The following AP2A1 variants were observed in gnomAD, a reference collection of about 807,000 sequenced individuals.
AP2A1 encodes adaptor related protein complex 2 subunit alpha 1.
In AP2A1, 21 loss-of-function variants were observed where a neutral mutation model predicts 107.3. The observed-to-expected ratio is 0.20, with a 90% CI of 0.14 to 0.28. The LOEUF is 0.28. Among genes scored for constraint, AP2A1 ranks in the 10% least tolerant of loss-of-function variants. AP2A1 has a pLI of 1.00. For missense variants in AP2A1, 873 were observed against 1,307.7 expected, an observed-to-expected ratio of 0.67 and a Z score of 5.13; for synonymous variants, 602 against 564.8, an observed-to-expected ratio of 1.07 and a Z score of -0.93.
chr19:49,800,726 C>A lies in AP2A1; in HGVS notation c.1456-235C>A, dbSNP rs547437446. 1.8e-5 allele frequency: 8 copies of A among 441,782 alleles called. No homozygotes were observed. The South Asian group carries it at 2.4e-4, about 13-fold the overall frequency. 27.4% of individuals were successfully genotyped at this position (441,782 alleles called of 1,614,324 possible). On this transcript the variant is annotated intron_variant, in intron 11 of 22. Transcript: ENST00000354293. ...GCTCAGGCAATCTGCCCGCCTCGGC[C>A]TCCCAAAGTACCAGGATTACAGGCA...
intron 1 of AP2A1, among the ~76,000 whole-genome samples, chr19:49,771,643 G>C (rs780950806): frequency 6.6e-6 from 1 of 151,954 alleles, no homozygotes; most frequent in African/African-American, 2.4e-5. Flanking sequence ...TCCTGATCTC[G>C]AGTGATCTGC....
Position 49,791,981 on chromosome 19 carries a change from C to T in AP2A1, c.520C>T (p.Arg174Ter). 2 of 1,612,528 alleles carry T rather than the reference C, an allele frequency of 1.2e-6. No individual in the cohort carries two copies. Among genetic ancestry groups the T allele is most frequent in the East Asian group, 2.2e-5 (1 of 44,846 alleles). The change falls in exon 5 of 23, where the codon CGA becomes TGA. Residue 174 changes from arginine (R) to a stop codon, truncating the protein, a stop_gained. Coordinates refer to ENST00000354293, the MANE Select transcript of AP2A1 (RefSeq NM_130787.3). LOFTEE classifies it high-confidence loss of function. ...GCAGAGTGCGGCCCTGTGCCTCCTT[C>T]GACTGTACAAGGCCTCGCCTGACCT... ...VKQSAALCLL[R>*]LYKASPDLVP...
At chr19:49,787,221 G>T (rs2084747791) in intron 4 of AP2A1, among the ~76,000 whole-genome samples, 1 of 150,432 alleles carries the variant, frequency 6.6e-6, no homozygotes, top group Non-Finnish European at 1.5e-5. Flanking sequence ...TTGCTATGTT[G>T]CCCAGGCTCC....
At chr19:49,781,892 T>G (rs2084680525) in intron 2 of AP2A1, 55 bp from the exon 3 acceptor site, 2 of 1,587,250 alleles carry the variant, frequency 1.3e-6, no homozygotes, top group Non-Finnish European at 1.7e-6. Context: ...TCCTGTGACC[T>G]ATCCTGTGAC....
At chr19:49,767,845 G>T (rs537759302) in intron 1 of AP2A1, among the ~76,000 whole-genome samples, 1 of 152,094 alleles carries the variant, frequency 6.6e-6, no homozygotes, top group East Asian at 1.9e-4. Flanking sequence ...TTCAGGGTGG[G>T]AGATTGCCTA....
At chr19:49,778,559 G>C (rs2084640283) in intron 1 of AP2A1, among the ~76,000 whole-genome samples, 1 of 152,214 alleles carries the variant, frequency 6.6e-6, no homozygotes, top group Non-Finnish European at 1.5e-5. Flanking sequence ...CTCCAGCCTG[G>C]GCGACAAGAG....
At position 49,781,737 on chromosome 19, in the gene AP2A1, C is replaced by CCCT; in HGVS notation, c.68-9_68-7dup. 2 of 1,575,276 alleles carry CCCT rather than the reference C, an allele frequency of 1.3e-6. No individual in the cohort carries two copies. Among genetic ancestry groups the CCCT allele is most frequent in the African/African-American group, 2.7e-5 (2 of 73,974 alleles). On this transcript the variant is annotated intron_variant, in intron 1 of 22. Coordinates refer to ENST00000354293, the MANE Select transcript of AP2A1 (RefSeq NM_130787.3). ...GACTCCCCAGACCCCTCACTGCCTA[C>CCCT]CCTCCTCCTCCTCTCCCAGGTAAGA...
rs771204705 is a variant in AP2A1, at chr19:49,805,532, C to T, written c.2424C>T (p.Cys808=). Residue 808 remains cysteine (C), a synonymous_variant, in exon 19 of 23, where the codon TGC becomes TGT. Transcript: ENST00000354293. ...TGCAGCAGGTGCTCAATATCGAGTG[C>T]CTGCGGGACTTCCTGACGCCCCCGC... is the stretch of plus-strand genomic sequence containing the variant. ...AQVQQVLNIE[C]LRDFLTPPLL... 2 of 1,575,114 alleles carry T rather than the reference C, an allele frequency of 1.3e-6. No individual in the cohort carries two copies. The highest frequency in any genetic ancestry group is 1.7e-6 in the Non-Finnish European group (2 of 1,161,434).
chr19:49,805,211 ATAC>A (rs1391755034), intron 18 of AP2A1: 1 of 460,030 alleles, frequency 2.2e-6, no homozygotes, highest in Non-Finnish European at 3.8e-6. Flanking sequence ...TCCAGAGCTA[ATAC>A]TATTATGTCT....
chr19:49,770,292 A>T (rs2084543777), intron 1 of AP2A1, among the ~76,000 whole-genome samples: 1 of 151,990 alleles, frequency 6.6e-6, no homozygotes, highest in East Asian at 1.9e-4. Context: ...GACAGAGGGG[A>T]GATGCAGGCT....
chr19:49,792,162 C>G lies in AP2A1; in HGVS notation c.603+98C>G. 6.7e-6 allele frequency: 9 copies of G among 1,349,538 alleles called. No individual in the cohort carries two copies. In the South Asian group the frequency reaches 1.2e-4, roughly 17 times the overall value. The allele number at this position is 1,349,538 out of a possible 1,614,324, so 83.6% of individuals were successfully genotyped here. On this transcript the variant is annotated intron_variant, in intron 5 of 22. Coordinates refer to ENST00000354293, the MANE Select transcript of AP2A1 (RefSeq NM_130787.3). ...GGCTCCCACCTCAGCCCTCACACCCCCGGATACCCAGGGCTCCCACCTCAG... is the reference window on the plus strand; with the variant it reads ...GGCTCCCACCTCAGCCCTCACACCCGCGGATACCCAGGGCTCCCACCTCAG...
intron 12 of AP2A1, 24 bp downstream of exon 12, chr19:49,801,082 G>A (rs1335508656): frequency 3.8e-6 from 6 of 1,572,242 alleles, no homozygotes; most frequent in Middle Eastern, 1.7e-4. Context: ...AGCCTGCAGG[G>A]GAGAACACAC....
rs761145930 is a variant in AP2A1 at position 49,799,708 on chromosome 19, T to C, written c.1214T>C (p.Ile405Thr). The C allele has an allele frequency of 3.1e-6, 5 of 1,613,356 alleles. No individual in the cohort carries two copies. In the South Asian group the frequency reaches 5.5e-5, roughly 18 times the overall value. ...TGTGACCGGAGCAATGCCAAGCAGA[T>C]CGTGTCGGAGATGCTGCGGTACCTG... is the stretch of plus-strand genomic sequence containing the variant. ...AMCDRSNAKQ[I>T]VSEMLRYLET... The change falls in exon 10 of 23, where the codon ATC becomes ACC. Residue 405 changes from isoleucine (I) to threonine (T), a missense_variant. Physicochemically the swap from Ile to Thr is moderately conservative, Grantham distance 89 (BLOSUM62 -1). Around this residue, in one of 4 missense-constraint regions of AP2A1, gnomAD observed 213 missense variants for 443.5 expected, o/e 0.48. Transcript: ENST00000354293.
chr19:49,803,840 AGT>A (rs1264272850), intron 18 of AP2A1: 1 of 168,902 alleles, frequency 5.9e-6, no homozygotes, highest in Non-Finnish European at 1.3e-5. Context: ...TGAAGATCAG[AGT>A]GTCTGGAAAA....
Position 49,807,064 on chromosome 19 carries a change from C to T in AP2A1, c.*306C>T. The T allele has an allele frequency of 1.3e-6, 2 of 1,592,846 alleles. No individual in the cohort carries two copies. The highest frequency in any genetic ancestry group is 1.7e-5 in the Admixed American group (1 of 58,248). ...GTTGTAGCCCCTCCTACCCCCTCCCCATCCAGGGGCTGTGTATTATTGTGA... is the reference window on the plus strand; with the variant it reads ...GTTGTAGCCCCTCCTACCCCCTCCCTATCCAGGGGCTGTGTATTATTGTGA... On this transcript the variant is annotated 3_prime_UTR_variant, in exon 23 of 23. Transcript: ENST00000354293.
At chr19:49,800,911 G>A in intron 11 of AP2A1, 50 bp from the exon 12 acceptor site, 2 of 1,498,844 alleles carry the variant, frequency 1.3e-6, no homozygotes, top group Non-Finnish European at 1.8e-6. Context: ...ACCGATCCCG[G>A]AGAGGGCGCT....
At chr19:49,778,789 A>C (rs1035046931) in intron 1 of AP2A1, among the ~76,000 whole-genome samples, 36 of 152,090 alleles carry the variant, frequency 2.4e-4, no homozygotes, top group African/African-American at 7.0e-4. Flanking sequence ...CATATTATTT[A>C]AATTAAGTAA....
rs780525110 is a variant in AP2A1 at position 49,803,373 on chromosome 19, A to G, written c.2341A>G (p.Thr781Ala). 1.2e-6 allele frequency: 2 copies of G among 1,612,990 alleles called. No individual in the cohort carries two copies. The highest frequency in any genetic ancestry group is 1.3e-5 in the African/African-American group (1 of 74,820). ...TGTGGTTCACCCGGGAGACCTCCAG[A>G]CTCATATCCTCTCAGGCCCGGCCCA... ...PTVVHPGDLQ[T>A]QLAVQTKRVA... Residue 781 changes from threonine (T) to alanine (A), a missense_variant, in exon 18 of 23, where the codon ACT becomes GCT. Coordinates refer to ENST00000354293, the MANE Select transcript of AP2A1 (RefSeq NM_130787.3).
At chr19:49,803,419 G>C (rs372944525) in intron 18 of AP2A1, 43 bp downstream of exon 18, 3 of 1,563,012 alleles carry the variant, frequency 1.9e-6, no homozygotes, top group Admixed American at 3.3e-5. Context: ...TCTCCACGTC[G>C]GCCTTCCTCA....
Sources: gnomAD v4.1 joint callset for allele counts (sites outside exome capture counted in the v4.1 genomes callset) on GRCh38, gnomAD v4.1.1 for gene constraint, gnomAD v4.1.1 regional missense constraint, MANE v1.5 for transcripts, NCBI Gene and HGNC (gene_info 2026-07-23, HGNC 2026-07-21) for gene names.